SNX8: variants seen among roughly 807,000 people sequenced by gnomAD.
The protein encoded by SNX8 is sorting nexin 8, also known as sorting nexin-8.
SNX8 carries 25 observed loss-of-function variants against 51.6 expected under a neutral mutation model. That is an observed-to-expected ratio of 0.48 (90% CI 0.35 to 0.68). SNX8 has a LOEUF of 0.68. Ranked by LOEUF, SNX8 falls within the 30% of genes least tolerant of loss-of-function variation. SNX8 has a pLI of 0.00. For synonymous variants in SNX8, 324 were observed against 277.0 expected, an observed-to-expected ratio of 1.17 and a Z score of -1.68; for missense variants, 695 against 624.0, an observed-to-expected ratio of 1.11 and a Z score of -1.21.
intron 1 of SNX8, among the ~76,000 whole-genome samples, chr7:2,348,398 T>G (rs1293424308): frequency 6.8e-6 from 1 of 147,256 alleles, no homozygotes; most frequent in East Asian, 2.1e-4. Flanking sequence ...TGGAGTGCAG[T>G]GGCGCGATCT....
intron 1 of SNX8, among the ~76,000 whole-genome samples, chr7:2,292,238 G>C (rs1478969936): frequency 6.6e-6 from 1 of 151,882 alleles, no homozygotes; most frequent in Non-Finnish European, 1.5e-5. Flanking sequence ...ACTCCAGCCT[G>C]GGCAACACAG....
At chr7:2,288,652 C>T (rs1008000708) in intron 1 of SNX8, among the ~76,000 whole-genome samples, 1 of 152,104 alleles carries the variant, frequency 6.6e-6, no homozygotes, top group African/African-American at 2.4e-5. Context: ...GAATTAGCAT[C>T]GATGCCCACT....
At chr7:2,297,313 G>C (rs1469626723) in intron 1 of SNX8, among the ~76,000 whole-genome samples, 2 of 151,782 alleles carry the variant, frequency 1.3e-5, no homozygotes, top group Non-Finnish European at 2.9e-5. Flanking sequence ...CACTTTGGGA[G>C]GCCGAGGCGG....
chr7:2,340,347 C>T (rs1168301854), intron 1 of SNX8, among the ~76,000 whole-genome samples: 3 of 151,324 alleles, frequency 2.0e-5, no homozygotes, highest in African/African-American at 4.8e-5. Flanking sequence ...GCTGGGATTA[C>T]AGGCGTGACC....
intron 1 of SNX8, among the ~76,000 whole-genome samples, chr7:2,346,960 A>C (rs1363465363): frequency 6.6e-6 from 1 of 151,712 alleles, no homozygotes; most frequent in Non-Finnish European, 1.5e-5. Context: ...GAATAGGGAA[A>C]TAGGGAGCAT....
At chr7:2,304,737 C>G (rs533637285) in intron 1 of SNX8, among the ~76,000 whole-genome samples, 86 of 152,122 alleles carry the variant, frequency 5.7e-4, no homozygotes, top group African/African-American at 2.0e-3. Flanking sequence ...GTGCACATGC[C>G]GTCCTGAGAT....
At chr7:2,349,758 G>C (rs145528877) in intron 1 of SNX8, among the ~76,000 whole-genome samples, 1 of 151,436 alleles carries the variant, frequency 6.6e-6, no homozygotes, top group Non-Finnish European at 1.5e-5. Context: ...CTTAAGACAA[G>C]GTCTCACTCT....
intron 1 of SNX8, among the ~76,000 whole-genome samples, chr7:2,328,979 G>A (rs549609304): frequency 6.6e-5 from 10 of 152,078 alleles, no homozygotes; most frequent in East Asian, 1.9e-4. Context: ...CCAGCTATTC[G>A]GGAGGCTGAG....
intron 1 of SNX8, among the ~76,000 whole-genome samples, chr7:2,339,229 G>A (rs1433565876): frequency 6.6e-6 from 1 of 150,838 alleles, no homozygotes; most frequent in African/African-American, 2.4e-5. Flanking sequence ...TTTTTGAGAT[G>A]CAGTCTGGCC....
chr7:2,312,830 G>A (rs1796684209), intron 1 of SNX8, among the ~76,000 whole-genome samples: 1 of 151,986 alleles, frequency 6.6e-6, no homozygotes, highest in Non-Finnish European at 1.5e-5. Flanking sequence ...TAGGACCACA[G>A]GAAGGAACAT....
At chr7:2,303,050 G>C (rs1039798381) in intron 1 of SNX8, among the ~76,000 whole-genome samples, 5 of 151,166 alleles carry the variant, frequency 3.3e-5, no homozygotes, top group African/African-American at 1.2e-4. Flanking sequence ...CCGTCCAGGA[G>C]GGAGGTGGGG....
chr7:2,262,686 A>G (rs1795365381), intron 7 of SNX8, among the ~76,000 whole-genome samples: 1 of 152,202 alleles, frequency 6.6e-6, no homozygotes, highest in East Asian at 1.9e-4. Context: ...AGCAAAATCA[A>G]CACTCAAGAC....
chr7:2,260,022 G>A (rs1562421806), intron 7 of SNX8, among the ~76,000 whole-genome samples: 1 of 151,958 alleles, frequency 6.6e-6, no homozygotes, highest in East Asian at 1.9e-4. Context: ...GAGAGAGAAA[G>A]AAAGAGAGAG....
chr7:2,268,481 C>A (rs1294759123), intron 5 of SNX8, among the ~76,000 whole-genome samples: 1 of 144,786 alleles, frequency 6.9e-6, no homozygotes, highest in East Asian at 2.2e-4. Context: ...CGGCCAGCCG[C>A]CCCATCCGGG....
chr7:2,322,752 C>G (rs1012552234), intron 1 of SNX8, among the ~76,000 whole-genome samples: 2 of 151,790 alleles, frequency 1.3e-5, no homozygotes, highest in African/African-American at 4.8e-5. Context: ...TGCTATGGGT[C>G]ACGCCTGTAA....
At chr7:2,349,340 C>T (rs1779096310) in intron 1 of SNX8, among the ~76,000 whole-genome samples, 1 of 152,114 alleles carries the variant, frequency 6.6e-6, no homozygotes, top group African/African-American at 2.4e-5. Context: ...GCAGCCATCA[C>T]CACCACTATC....
intron 1 of SNX8, among the ~76,000 whole-genome samples, chr7:2,350,831 G>A (rs1210292459): frequency 6.6e-6 from 1 of 152,100 alleles, no homozygotes; most frequent in Non-Finnish European, 1.5e-5. Context: ...ATTTTTAGTA[G>A]AGATAGGGTT....
At chr7:2,309,336 G>T (rs1320670349) in intron 1 of SNX8, among the ~76,000 whole-genome samples, 1 of 152,140 alleles carries the variant, frequency 6.6e-6, no homozygotes, top group Non-Finnish European at 1.5e-5. Context: ...ATCCTTCCTG[G>T]CCAACATGGC....
At chr7:2,275,933 G>A (rs1795768313) in intron 2 of SNX8, among the ~76,000 whole-genome samples, 1 of 151,718 alleles carries the variant, frequency 6.6e-6, no homozygotes, top group African/African-American at 2.4e-5. Flanking sequence ...GGGAGGCAGA[G>A]CTTGCGGTGA....
Sources: gnomAD v4.1 joint callset for allele counts (sites outside exome capture counted in the v4.1 genomes callset) on GRCh38, gnomAD v4.1.1 for gene constraint, MANE v1.5 for transcripts, NCBI Gene and HGNC (gene_info 2026-07-23, HGNC 2026-07-21) for gene names.